The following CUL3 variants were observed in gnomAD, a reference collection of about 807,000 sequenced individuals.
CUL3 encodes cullin-3.
CUL3 carries 19 observed loss-of-function variants against 89.1 expected under a neutral mutation model. That is an observed-to-expected ratio of 0.21 (90% CI 0.15 to 0.31). The LOEUF (loss-of-function observed/expected upper bound fraction) is 0.31, where lower values mean the gene tolerates loss of function less well. CUL3 is among the 10% of genes least tolerant of loss of function. The probability of loss-of-function intolerance (pLI) is 1.00; values close to 1 mark genes in which losing one functional copy is unlikely to be tolerated. For synonymous variants in CUL3, 351 were observed against 308.4 expected (o/e 1.14, Z -1.45); for missense variants, 469 against 942.3 (o/e 0.50, Z 6.58).
intron 2 of CUL3, among the ~76,000 whole-genome samples, chr2:224,540,206 G>A (rs573666074): frequency 1.3e-4 from 19 of 151,854 alleles, no homozygotes; most frequent in Non-Finnish European, 2.2e-4. Flanking sequence ...ACAGGTGTGC[G>A]CCACCACACC....
chr2:224,494,389 A>G (rs964790938), intron 13 of CUL3, among the ~76,000 whole-genome samples: 2 of 152,184 alleles, frequency 1.3e-5, no homozygotes, highest in African/African-American at 2.4e-5. Context: ...ACAGGAAAAG[A>G]CTAATTGGAT....
intron 3 of CUL3, among the ~76,000 whole-genome samples, chr2:224,516,211 G>C (rs1006775254): frequency 6.6e-6 from 1 of 151,736 alleles, no homozygotes; most frequent in East Asian, 1.9e-4. Context: ...ATTTTGATGA[G>C]TTCAAAATGC....
chr2:224,568,009 T>C (rs1199189278), intron 1 of CUL3, among the ~76,000 whole-genome samples: 4 of 152,206 alleles, frequency 2.6e-5, no homozygotes, highest in Non-Finnish European at 4.4e-5. Context: ...TCTATTTCCA[T>C]CACTGTCACA....
At chr2:224,502,874 AAAC>A (rs1692444804) in intron 10 of CUL3, 88 bp downstream of exon 10, 2 of 864,038 alleles carry the variant, frequency 2.3e-6, no homozygotes, top group African/African-American at 1.7e-5. Flanking sequence ...ACATTTAAAG[AAAC>A]AACTGTCATC....
chr2:224,488,671 T>C (rs1431419275), intron 13 of CUL3, among the ~76,000 whole-genome samples: 2 of 152,186 alleles, frequency 1.3e-5, no homozygotes, highest in African/African-American at 4.8e-5. Context: ...ACAGTCGAAT[T>C]CTACCAGAAG....
chr2:224,495,613 G>C (rs986604242), intron 13 of CUL3: 1 of 359,924 alleles, frequency 2.8e-6, no homozygotes, highest in East Asian at 5.0e-5. Flanking sequence ...ACTTATATAA[G>C]GTATGTTTTA....
chr2:224,560,007 C>T (rs750160353), intron 1 of CUL3, among the ~76,000 whole-genome samples: 2 of 152,060 alleles, frequency 1.3e-5, no homozygotes, highest in Non-Finnish European at 2.9e-5. Context: ...CGCTTGAGCC[C>T]GGGAGGTCGA....
chr2:224,490,710 GAAA>G (rs5839067), intron 13 of CUL3, among the ~76,000 whole-genome samples: 1 of 142,800 alleles, frequency 7.0e-6, no homozygotes, highest in African/African-American at 2.6e-5. Context: ...GAGCTTTAAA[GAAA>G]AAAAAAAAAA....
chr2:224,584,499 A>C (rs927882312), intron 1 of CUL3, among the ~76,000 whole-genome samples: 1 of 152,062 alleles, frequency 6.6e-6, no homozygotes, highest in Non-Finnish European at 1.5e-5. Flanking sequence ...CAGCCCCTTC[A>C]TCACCCTAAA....
intron 3 of CUL3, among the ~76,000 whole-genome samples, chr2:224,516,386 G>T (rs1693050579): frequency 6.8e-6 from 1 of 147,680 alleles, no homozygotes; most frequent in South Asian, 2.1e-4. Context: ...GCGTGACCTT[G>T]GCTCACTGTG....
In CUL3 at chr2:224,472,354, A is replaced by C. The variant is rs1691160799; in HGVS notation, c.*1891T>G. The C allele has an allele frequency of 4.8e-6, 1 of 210,062 alleles. No homozygotes were observed. The highest frequency in any genetic ancestry group is 9.7e-6 in the Non-Finnish European group (1 of 103,520). 13.0% of individuals were successfully genotyped at this position (210,062 alleles called of 1,614,324 possible). ...GTTTTTACATCGCTCATGTTTACTA[A>C]CTCGACAATCTGAGCTGTCCTGTTT... On this transcript the variant is annotated 3_prime_UTR_variant, in exon 16 of 16. Transcript: ENST00000264414.
At chr2:224,542,138 C>G (rs191910665) in intron 2 of CUL3, among the ~76,000 whole-genome samples, 100 of 152,246 alleles carry the variant, frequency 6.6e-4, no homozygotes, top group Non-Finnish European at 1.0e-3. Context: ...AAGCTTTATT[C>G]ATAAAAGCAA....
intron 1 of CUL3, among the ~76,000 whole-genome samples, chr2:224,560,174 A>T (rs1021446277): frequency 5.9e-5 from 9 of 152,072 alleles, no homozygotes; most frequent in Non-Finnish European, 1.3e-4. Flanking sequence ...TCTCCTATTC[A>T]TCTGTTTTAC....
At chr2:224,512,791 A>G (rs1692883163) in intron 5 of CUL3, among the ~76,000 whole-genome samples, 1 of 152,246 alleles carries the variant, frequency 6.6e-6, no homozygotes, top group Non-Finnish European at 1.5e-5. Flanking sequence ...GTGAATTTAT[A>G]GTACTTAAAT....
intron 2 of CUL3, among the ~76,000 whole-genome samples, chr2:224,546,674 G>GA (rs908248292): frequency 8.0e-6 from 1 of 124,344 alleles, no homozygotes; most frequent in South Asian, 3.4e-4. Context: ...GGATGGGGGG[G>GA]GGTACTTGCC....
chr2:224,523,525 C>CA (rs1693347292), intron 3 of CUL3, among the ~76,000 whole-genome samples: 1 of 152,036 alleles, frequency 6.6e-6, no homozygotes, highest in African/African-American at 2.4e-5. Flanking sequence ...TCAAAAATTA[C>CA]AAAAACAATT....
chr2:224,471,663 A>C lies in CUL3; in HGVS notation c.*2582T>G. On this transcript the variant is annotated 3_prime_UTR_variant, in exon 16 of 16. Transcript: ENST00000264414. ...CCATTCCCTTTTTAAGTTCACTGAC[A>C]TAAAGAATCCTTGCAATCACAACCA... is the stretch of plus-strand genomic sequence containing the variant. The C allele has an allele frequency of 4.6e-6, 1 of 217,264 alleles. No homozygotes were observed. The highest frequency in any genetic ancestry group is 9.3e-6 in the Non-Finnish European group (1 of 107,964). 13.5% of individuals were successfully genotyped at this position (217,264 alleles called of 1,614,324 possible).
At chr2:224,488,571 A>C (rs1691830971) in intron 13 of CUL3, among the ~76,000 whole-genome samples, 1 of 152,210 alleles carries the variant, frequency 6.6e-6, no homozygotes, top group African/African-American at 2.4e-5. Flanking sequence ...GCCAGGAAGA[A>C]GTTGAATCCC....
At chr2:224,486,402 C>G (rs1291889299) in intron 13 of CUL3, among the ~76,000 whole-genome samples, 1 of 151,982 alleles carries the variant, frequency 6.6e-6, no homozygotes, top group Non-Finnish European at 1.5e-5. Flanking sequence ...ACTAGAATAA[C>G]CAGTTTAGAG....
Sources: gnomAD v4.1 joint callset for allele counts (sites outside exome capture counted in the v4.1 genomes callset) on GRCh38, gnomAD v4.1.1 for gene constraint, MANE v1.5 for transcripts, NCBI Gene and HGNC (gene_info 2026-07-23, HGNC 2026-07-21) for gene names.